The following MTA3 variants were observed in gnomAD, a reference collection of about 807,000 sequenced individuals.
MTA3 encodes metastasis-associated protein MTA3.
Under a neutral mutation model 83.5 loss-of-function variants are expected in MTA3, and 34 were observed. The ratio of observed to expected loss-of-function variants is 0.41; its 90% CI spans 0.31 to 0.54. The LOEUF is 0.54. Ranked by LOEUF, MTA3 falls within the 20% of genes least tolerant of loss-of-function variation. The pLI is 0.33. For synonymous variants in MTA3, 303 were observed against 252.7 expected (o/e 1.20, Z -1.89); for missense variants, 761 against 726.4 (o/e 1.05, Z -0.55).
intron 2 of MTA3, among the ~76,000 whole-genome samples, chr2:42,540,149 T>C (rs1010586553): frequency 2.0e-5 from 3 of 150,564 alleles, no homozygotes; most frequent in Non-Finnish European, 4.4e-5. Flanking sequence ...TTACAGCCAA[T>C]AGTGGGCATT....
chr2:42,591,069 T>C lies in MTA3; in HGVS notation c.190+11869T>C, dbSNP rs574555734. On this transcript the variant is annotated intron_variant, in intron 3 of 16. Coordinates refer to ENST00000405094, the MANE Select transcript of MTA3 (RefSeq NM_001330442.2). ...CTGAGAGATGCGTCATTAGGTGATT[T>C]TGTCTTTGTGTGGACATCATAGAGT... Among the ~76,000 whole-genome samples the C allele has an allele frequency of 3.3e-5, 5 of 151,864 alleles. No homozygotes were observed. The South Asian group carries it at 1.0e-3, about 32-fold the overall frequency.
rs1189316203 is a variant in MTA3, at chr2:42,754,273, T to C, written c.*874T>C. On this transcript the variant is annotated 3_prime_UTR_variant, in exon 17 of 17. Coordinates refer to ENST00000405094, the MANE Select transcript of MTA3 (RefSeq NM_001330442.2). ...GGTGGGTCCTACAGCAGGTCACAAA[T>C]GACCTAGTTTCATTTTAAGCAGACA... 1.0e-6 allele frequency: 1 copy of C among 985,328 alleles called. No homozygotes were observed. The highest frequency in any genetic ancestry group is 1.2e-6 in the Non-Finnish European group (1 of 829,958). The allele number at this position is 985,328 out of a possible 1,614,324, so 61.0% of individuals were successfully genotyped here.
At chr2:42,595,361 C>G (rs1167573987) in intron 3 of MTA3, among the ~76,000 whole-genome samples, 1 of 151,898 alleles carries the variant, frequency 6.6e-6, no homozygotes, top group African/African-American at 2.4e-5. Context: ...CTGCCTGCCT[C>G]GGCCTCCCAA....
chr2:42,526,322 C>T (rs1292542268), intron 2 of MTA3, among the ~76,000 whole-genome samples: 1 of 152,200 alleles, frequency 6.6e-6, no homozygotes, highest in African/African-American at 2.4e-5. Flanking sequence ...ATCTCAGCCT[C>T]CTGGGTAACT....
At chr2:42,641,981 A>G (rs146035842) in intron 5 of MTA3, among the ~76,000 whole-genome samples, 46 of 152,252 alleles carry the variant, frequency 3.0e-4, no homozygotes, top group Middle Eastern at 3.4e-3. Flanking sequence ...CCATGACACA[A>G]TGTATGCATA....
At chr2:42,661,551 A>T (rs1048875585) in intron 8 of MTA3, among the ~76,000 whole-genome samples, 2 of 151,450 alleles carry the variant, frequency 1.3e-5, no homozygotes, top group Non-Finnish European at 2.9e-5. Context: ...TATGTGAACC[A>T]GAACTATGTG....
intron 11 of MTA3, chr2:42,702,325 A>G (rs753469792): frequency 2.0e-5 from 3 of 152,268 alleles, no homozygotes; most frequent in Non-Finnish European, 2.9e-5. Flanking sequence ...TAGAGATCTC[A>G]GTGCACACAG....
chr2:42,561,615 G>T (rs1317351389), intron 2 of MTA3, among the ~76,000 whole-genome samples: 1 of 152,178 alleles, frequency 6.6e-6, no homozygotes, highest in Non-Finnish European at 1.5e-5. Context: ...GAGCCACCGA[G>T]CCCGGCCCCA....
intron 2 of MTA3, among the ~76,000 whole-genome samples, chr2:42,560,257 G>A (rs1320247764): frequency 2.7e-5 from 4 of 150,926 alleles, no homozygotes; most frequent in Admixed American, 2.0e-4. Context: ...CCTGACCTGA[G>A]GTGATCTGCC....
intron 3 of MTA3, among the ~76,000 whole-genome samples, chr2:42,587,913 G>A (rs1227661086): frequency 1.3e-5 from 2 of 152,044 alleles, no homozygotes; most frequent in Admixed American, 1.3e-4. Context: ...TGTTTTTTAT[G>A]CTTGCAAATT....
chr2:42,691,847 C>G (rs1692929516), intron 9 of MTA3, among the ~76,000 whole-genome samples: 1 of 152,200 alleles, frequency 6.6e-6, no homozygotes, highest in South Asian at 2.1e-4. Flanking sequence ...GCCACTCTCT[C>G]CTGGCCTGTA....
intron 14 of MTA3, among the ~76,000 whole-genome samples, chr2:42,710,350 C>T (rs578157703): frequency 2.0e-5 from 3 of 151,050 alleles, no homozygotes; most frequent in Non-Finnish European, 4.4e-5. Context: ...GTCAGGAGTT[C>T]GAGACCAGCC....
intron 3 of MTA3, among the ~76,000 whole-genome samples, chr2:42,587,298 C>G (rs530923779): frequency 6.6e-6 from 1 of 152,210 alleles, no homozygotes; most frequent in East Asian, 1.9e-4. Flanking sequence ...TGTGACAGAA[C>G]AAGACCCTGC....
chr2:42,556,991 C>T (rs1284067532), intron 2 of MTA3, among the ~76,000 whole-genome samples: 1 of 152,194 alleles, frequency 6.6e-6, no homozygotes, highest in Non-Finnish European at 1.5e-5. Flanking sequence ...AACTTCTCTC[C>T]TCCTTCTGCC....
intron 1 of MTA3, 41 bp downstream of exon 1, chr2:42,568,814 T>TCCGGGAGCGGGC (rs1678112998): frequency 8.2e-7 from 1 of 1,214,578 alleles, no homozygotes; most frequent in Non-Finnish European, 1.0e-6. Flanking sequence ...TGGGAGCGGG[T>TCCGGGAGCGGGC]TCCGGGAGCG....
Position 42,682,578 on chromosome 2 carries a change from C to T in MTA3, c.880C>T (p.Arg294Trp), listed in dbSNP as rs761338518. 6.2e-6 allele frequency: 10 copies of T among 1,609,706 alleles called. No individual in the cohort carries two copies. Among genetic ancestry groups the T allele is most frequent in the East Asian group, 2.2e-5 (1 of 44,780 alleles). Residue 294 changes from arginine to tryptophan, a missense_variant, in exon 9 of 17, where the codon CGG becomes TGG. Physicochemically the swap from Arg to Trp is moderately radical, Grantham distance 101 (BLOSUM62 -3). Coordinates refer to ENST00000405094, the MANE Select transcript of MTA3 (RefSeq NM_001330442.2). ...ATATGGCAAAGACTTCAATGACATACGGCAAGATTTTGTAAGTAGAAAATT... is the reference window on the plus strand; with the variant it reads ...ATATGGCAAAGACTTCAATGACATATGGCAAGATTTTGTAAGTAGAAAATT... ...EKYGKDFNDIRQDFLPWKSLT... is the reference protein window; with the variant it reads ...EKYGKDFNDIWQDFLPWKSLT...
intron 3 of MTA3, among the ~76,000 whole-genome samples, chr2:42,588,593 T>C (rs1680606645): frequency 6.6e-6 from 1 of 152,186 alleles, no homozygotes; most frequent in African/African-American, 2.4e-5. Context: ...AACAAGTCAT[T>C]AGGGCCCTTT....
At chr2:42,570,571 A>AT in intron 2 of MTA3, 67 bp downstream of exon 2, 1 of 987,854 alleles carries the variant, frequency 1.0e-6, no homozygotes, top group South Asian at 2.3e-5. Flanking sequence ...GTAATTGGGT[A>AT]AAGGGTGGCC....
chr2:42,612,822 C>T (rs1031112753), intron 4 of MTA3, among the ~76,000 whole-genome samples: 11 of 152,060 alleles, frequency 7.2e-5, no homozygotes, highest in Non-Finnish European at 1.5e-5. Context: ...GATCGCACTA[C>T]TGTACTCCAG....
Sources: gnomAD v4.1 joint callset for allele counts (sites outside exome capture counted in the v4.1 genomes callset) on GRCh38, gnomAD v4.1.1 for gene constraint, MANE v1.5 for transcripts, NCBI Gene and HGNC (gene_info 2026-07-23, HGNC 2026-07-21) for gene names.